PZP: variants seen among roughly 807,000 people sequenced by gnomAD.
PZP encodes the protein PZP alpha-2-macroglobulin like.
A neutral mutation model predicts 179.8 loss-of-function variants in PZP; 150 were observed. That is an observed-to-expected ratio of 0.83 (90% CI 0.73 to 0.96). PZP has a LOEUF of 0.96. Among genes scored for constraint, PZP ranks in the 40% least tolerant of loss-of-function variants. PZP has a pLI of 0.00. For synonymous variants in PZP, 624 were observed against 652.3 expected (o/e 0.96, Z 0.66); for missense variants, 1,689 against 1,764.0 (o/e 0.96, Z 0.76).
At chr12:9,160,724 T>C (rs1405397269) in intron 23 of PZP, among the ~76,000 whole-genome samples, 1 of 151,976 alleles carries the variant, frequency 6.6e-6, no homozygotes, top group Non-Finnish European at 1.5e-5. Flanking sequence ...ACCATCCTGG[T>C]GAACACGGTG....
At chr12:9,188,514 C>A (rs1018295566) in intron 13 of PZP, among the ~76,000 whole-genome samples, 2 of 152,148 alleles carry the variant, frequency 1.3e-5, no homozygotes, top group African/African-American at 4.8e-5. Flanking sequence ...TATTGGAAGT[C>A]CTCACCAGAA....
intron 13 of PZP, among the ~76,000 whole-genome samples, chr12:9,191,728 C>T (rs934873596): frequency 4.6e-5 from 7 of 152,056 alleles, no homozygotes; most frequent in Non-Finnish European, 2.9e-5. Flanking sequence ...CTTGGTTCCC[C>T]AGGCCTCAAT....
At chr12:9,147,372 C>A (rs1252258874), downstream of PZP, among the ~76,000 whole-genome samples, 1 of 152,136 alleles carries the variant, frequency 6.6e-6, no homozygotes, top group African/African-American at 2.4e-5. Flanking sequence ...CCCTTCTCTC[C>A]CCTAAGAGAA....
chr12:9,203,395 G>T (rs1325540589), intron 2 of PZP, among the ~76,000 whole-genome samples: 2 of 142,928 alleles, frequency 1.4e-5, no homozygotes, highest in African/African-American at 5.2e-5. Context: ...AGGCTGGAGT[G>T]CAGTGGGGCG....
chr12:9,177,877 T>C (rs1942496303), intron 15 of PZP, among the ~76,000 whole-genome samples: 1 of 152,210 alleles, frequency 6.6e-6, no homozygotes, highest in Non-Finnish European at 1.5e-5. Flanking sequence ...TACTACATGC[T>C]GAAATTAATA....
At chr12:9,160,810 G>C (rs917337209) in intron 23 of PZP, among the ~76,000 whole-genome samples, 1 of 152,050 alleles carries the variant, frequency 6.6e-6, no homozygotes, top group African/African-American at 2.4e-5. Flanking sequence ...AGCTACTCGG[G>C]AGGCTGAGGC....
intron 21 of PZP, 147 bp from the exon 22 acceptor site, chr12:9,162,795 A>G: frequency 1.5e-6 from 1 of 673,300 alleles, no homozygotes; most frequent in South Asian, 1.9e-5. Flanking sequence ...TTTAAGTTCA[A>G]GGGGACATGT....
Position 9,149,615 on chromosome 12 carries a change from G to T in PZP, c.4385-13C>A, listed in dbSNP as rs377334564. 35 of 1,611,920 alleles carry T rather than the reference G, an allele frequency of 2.2e-5. No individual in the cohort carries two copies. The highest frequency in any genetic ancestry group is 2.7e-5 in the Non-Finnish European group (32 of 1,178,704). On this transcript the variant is annotated splice_polypyrimidine_tract_variant and intron_variant, in intron 34 of 35. Transcript: ENST00000261336. ...ACCACAGACTCATCTGAAAGATAACGTTGGGTGAAGGAAGAAACGAAAGAT... is the reference window on the plus strand; with the variant it reads ...ACCACAGACTCATCTGAAAGATAACTTTGGGTGAAGGAAGAAACGAAAGAT...
Position 9,197,647 on chromosome 12 carries a change from T to TAC in PZP, c.756-525_756-524insGT, listed in dbSNP as rs767410918. On this transcript the variant is annotated intron_variant, in intron 7 of 35. Transcript: ENST00000261336. ...ATATTATATTATATATTATATTATATAATATAATATAAAATTATTATATAT... is the reference window on the plus strand; with the variant it reads ...ATATTATATTATATATTATATTATATACAATATAATATAAAATTATTATATAT... 7.0e-5 allele frequency among the ~76,000 whole-genome samples: 7 copies of TAC among 99,488 alleles called. No individual in the cohort carries two copies. In the South Asian group the frequency reaches 2.0e-3, roughly 28 times the overall value. 65.3% of individuals were successfully genotyped at this position (99,488 alleles called of 152,430 possible).
At chr12:9,147,707 T>G (rs1485935662), downstream of PZP, among the ~76,000 whole-genome samples, 1 of 152,174 alleles carries the variant, frequency 6.6e-6, no homozygotes, top group Non-Finnish European at 1.5e-5. Flanking sequence ...CATCAGCCAG[T>G]TTCTTACTGT....
chr12:9,144,747 A>C (rs1290674165), downstream of PZP, among the ~76,000 whole-genome samples: 4 of 152,154 alleles, frequency 2.6e-5, no homozygotes, highest in African/African-American at 9.7e-5. Context: ...GTCTCTGGTC[A>C]GAGGGAAAGT....
chr12:9,153,427 A>G (rs963950125), intron 29 of PZP, 84 bp from the exon 30 acceptor site: 2 of 1,149,818 alleles, frequency 1.7e-6, no homozygotes, highest in Admixed American at 4.2e-5. Flanking sequence ...TTAGCCTACC[A>G]TGAGGGAAGC....
rs1440809791 is a variant in PZP at position 9,153,213 on chromosome 12, T to C, written c.3905A>G (p.Asn1302Ser). The change falls in exon 30 of 36, where the codon AAC (asparagine) becomes AGC (serine). Residue 1302 changes from asparagine (N) to serine (S), a missense_variant. By Grantham distance (46) the Asn-to-Ser change is conservative. This residue lies in a region of PZP where 746 missense variants were observed against 749.2 expected (regional missense o/e 1.00). Coordinates refer to ENST00000261336, the MANE Select transcript of PZP (RefSeq NM_002864.3). The part of the protein sequence containing the change: ...FSTNFQVDNN[N>S]LLLLQQISLP... ...TGAGATCTGCTGCAGTAATAGGAGG[T>C]TGTTGTTGTCTACTTGGAAATTTGT... 6.2e-7 allele frequency: 1 copy of C among 1,614,026 alleles called. No homozygotes were observed.
chr12:9,145,535 A>G (rs765036375), downstream of PZP, among the ~76,000 whole-genome samples: 4 of 152,284 alleles, frequency 2.6e-5, no homozygotes, highest in African/African-American at 7.2e-5. Context: ...TGTTATTTTT[A>G]ATACTTTTCT....
rs185213610 is a variant in PZP, at chr12:9,173,011, C to T, written c.1840-3420G>A. ...ATCTACAGAACTCTCCACCAAAATTCAACAGAATATACATTCTTCTCATTG... is the reference window on the plus strand; with the variant it reads ...ATCTACAGAACTCTCCACCAAAATTTAACAGAATATACATTCTTCTCATTG... On this transcript the variant is annotated intron_variant, in intron 15 of 35. Coordinates refer to ENST00000261336, the MANE Select transcript of PZP (RefSeq NM_002864.3). Among the ~76,000 whole-genome samples, 32 of 152,354 alleles carry T rather than the reference C, an allele frequency of 2.1e-4. No individual in the cohort carries two copies. The East Asian group carries it at 5.2e-3, about 25-fold the overall frequency.
chr12:9,156,632 G>A (rs1335399822), intron 28 of PZP, among the ~76,000 whole-genome samples: 1 of 152,186 alleles, frequency 6.6e-6, no homozygotes, highest in Non-Finnish European at 1.5e-5. Context: ...GTTTTAGCAA[G>A]TAGAAATAAA....
intron 15 of PZP, among the ~76,000 whole-genome samples, chr12:9,178,649 CA>C (rs2120929820): frequency 6.6e-6 from 1 of 152,268 alleles, no homozygotes; most frequent in South Asian, 2.1e-4. Flanking sequence ...TCTCAAACTA[CA>C]AAAATTATGG....
chr12:9,181,855 G>T (rs937007184), intron 14 of PZP, 120 bp downstream of exon 14: 4 of 1,112,268 alleles, frequency 3.6e-6, no homozygotes, highest in Admixed American at 2.8e-5. Flanking sequence ...CCATAAACTT[G>T]TTGGGAACTG....
At chr12:9,137,447 A>C in the PZP span, among the ~76,000 whole-genome samples, 1 of 152,088 alleles carries the variant, frequency 6.6e-6, no homozygotes, top group East Asian at 1.9e-4. Flanking sequence ...AAATTTTGAA[A>C]TTAGGAAGTG....
Sources: allele counts gnomAD v4.1 joint callset (sites outside exome capture counted in the v4.1 genomes callset), GRCh38; gene constraint gnomAD v4.1.1; regional missense constraint gnomAD v4.1.1; transcripts MANE v1.5; gene names NCBI Gene and HGNC (gene_info 2026-07-23, HGNC 2026-07-21).